Variants in DENND2B observed in about 807,000 individuals in gnomAD.
DENND2B encodes DENN domain containing 2B, also known as DENN domain-containing protein 2B.
Under a neutral mutation model 116.0 loss-of-function variants are expected in DENND2B, and 32 were observed. That is an observed-to-expected ratio of 0.28 (90% CI 0.21 to 0.37). The LOEUF is 0.37. DENND2B is among the 10% of genes least tolerant of loss of function. DENND2B has a pLI of 1.00. For missense variants in DENND2B, 1,276 were observed against 1,477.7 expected, an observed-to-expected ratio of 0.86 and a Z score of 2.24; for synonymous variants, 588 against 583.9, an observed-to-expected ratio of 1.01 and a Z score of -0.10.
At chr11:8,820,817 C>A (rs1469273932) in intron 4 of DENND2B, among the ~76,000 whole-genome samples, 1 of 152,134 alleles carries the variant, frequency 6.6e-6, no homozygotes, top group African/African-American at 2.4e-5. Context: ...GACTATTGTG[C>A]AGCCATTGTA....
chr11:8,714,551 C>T lies in DENND2B; in HGVS notation c.1942+59G>A, dbSNP rs900223110. On this transcript the variant is annotated intron_variant, in intron 7 of 19. Transcript: ENST00000313726. ...CCTCCACAGGTAAATTGATGCCTCTCCCGTTCCTAATGCCCAAGGGCCCCA... is the reference window on the plus strand; with the variant it reads ...CCTCCACAGGTAAATTGATGCCTCTTCCGTTCCTAATGCCCAAGGGCCCCA... 15 of 1,432,640 alleles carry T rather than the reference C, an allele frequency of 1.0e-5. No homozygotes were observed. In the African/African-American group the frequency reaches 1.7e-4, roughly 16 times the overall value. 88.7% of individuals were successfully genotyped at this position (1,432,640 alleles called of 1,614,324 possible).
At chr11:8,714,848 G>T in intron 6 of DENND2B, 142 bp from the exon 7 acceptor site, 2 of 663,570 alleles carry the variant, frequency 3.0e-6, no homozygotes, top group Non-Finnish European at 5.1e-6. Flanking sequence ...TGGTCTAACT[G>T]CAGAACCGAC....
chr11:8,774,242 TTA>T, intron 1 of DENND2B: 9 of 985,352 alleles, frequency 9.1e-6, no homozygotes, highest in Non-Finnish European at 9.6e-6. Context: ...CTACCTGTCT[TTA>T]TGACTAGCAG....
chr11:8,813,224 G>T (rs2061455145), upstream of DENND2B, among the ~76,000 whole-genome samples: 1 of 152,150 alleles, frequency 6.6e-6, no homozygotes, highest in African/African-American at 2.4e-5. Flanking sequence ...GTTAAGGTAG[G>T]AAAGTGTTAT....
chr11:8,783,210 A>G (rs1475020462), intron 1 of DENND2B, among the ~76,000 whole-genome samples: 1 of 152,090 alleles, frequency 6.6e-6, no homozygotes. Flanking sequence ...ATGTAGCACC[A>G]CACCAGCTAA....
At chr11:8,780,310 G>A (rs2058250520) in intron 1 of DENND2B, among the ~76,000 whole-genome samples, 1 of 152,164 alleles carries the variant, frequency 6.6e-6, no homozygotes, top group Admixed American at 6.5e-5. Flanking sequence ...ACTATTTTAA[G>A]TGCCATTAGA....
intron 1 of DENND2B, among the ~76,000 whole-genome samples, chr11:8,779,505 TCTTTC>T (rs2058124728): frequency 8.3e-6 from 1 of 120,890 alleles, no homozygotes; most frequent in Non-Finnish European, 1.7e-5. Context: ...TTTCTTTCTT[TCTTTC>T]TTTCTTTTTT....
chr11:8,696,103 T>C (rs1252503206), intron 18 of DENND2B: 7 of 323,620 alleles, frequency 2.2e-5, no homozygotes. Flanking sequence ...CCCCCGAAAT[T>C]GCTCAGTCTG....
intron 4 of DENND2B, among the ~76,000 whole-genome samples, chr11:8,816,623 T>C (rs994118303): frequency 6.6e-6 from 1 of 152,060 alleles, no homozygotes; most frequent in Non-Finnish European, 1.5e-5. Context: ...GGGTTCTAGC[T>C]GCCATTTATA....
rs1232276804 is a variant in DENND2B at position 8,892,646 on chromosome 11, G to A, written c.-255-11537C>T. ...CTACGCAAATAAACTAGAAAATCTA[G>A]AAGAAATGGATAAATTTCTGGACAC... On this transcript the variant is annotated intron_variant, in intron 1 of 22. Coordinates refer to the DENND2B transcript ENST00000534127. Among the ~76,000 whole-genome samples, 5 of 152,304 alleles carry A rather than the reference G, an allele frequency of 3.3e-5. No individual in the cohort carries two copies. The East Asian group carries it at 9.6e-4, about 29-fold the overall frequency.
intron 2 of DENND2B, among the ~76,000 whole-genome samples, chr11:8,864,481 G>T (rs1010683663): frequency 2.0e-5 from 3 of 152,028 alleles, no homozygotes; most frequent in Non-Finnish European, 4.4e-5. Flanking sequence ...TGTTGCCCAG[G>T]CAGGTCTCAA....
chr11:8,701,585 C>A (rs180860094), intron 14 of DENND2B, among the ~76,000 whole-genome samples: 2 of 152,210 alleles, frequency 1.3e-5, no homozygotes, highest in Non-Finnish European at 2.9e-5. Flanking sequence ...AACCACTCCA[C>A]GTGTGTCGGT....
rs1414889011 is a variant in DENND2B, at chr11:8,734,342, A to G, written c.81-3133T>C. On this transcript the variant is annotated intron_variant, in intron 2 of 19. Transcript: ENST00000313726. ...TACTGTTTTTTTTTTTTATCAGGTT[A>G]TGGCTAGCCAGTCAGTCTCAAGAGA... 2.0e-5 allele frequency among the ~76,000 whole-genome samples: 3 copies of G among 151,424 alleles called. No individual in the cohort carries two copies. In the East Asian group the frequency reaches 5.8e-4, roughly 29 times the overall value.
At chr11:8,895,661 A>G (rs1222005470) in intron 1 of DENND2B, 1 of 152,198 alleles carries the variant, frequency 6.6e-6, no homozygotes, top group African/African-American at 2.4e-5. Context: ...AAGTATAGAG[A>G]TGGATGGTGG....
intron 3 of DENND2B, among the ~76,000 whole-genome samples, chr11:8,856,388 G>A (rs2063193638): frequency 6.6e-6 from 1 of 152,188 alleles, no homozygotes; most frequent in Non-Finnish European, 1.5e-5. Context: ...AAAGATTTCT[G>A]GGTATGGAAA....
At chr11:8,897,795 G>GT (rs1490168549) in intron 1 of DENND2B, among the ~76,000 whole-genome samples, 1 of 152,074 alleles carries the variant, frequency 6.6e-6, no homozygotes, top group Non-Finnish European at 1.5e-5. Context: ...CTTTGTTCTT[G>GT]TTTTTTTAGA....
At chr11:8,739,736 T>G (rs1228902504) in intron 2 of DENND2B, among the ~76,000 whole-genome samples, 1 of 152,164 alleles carries the variant, frequency 6.6e-6, no homozygotes, top group South Asian at 2.1e-4. Flanking sequence ...AGAGATGAAG[T>G]AAGATGAACA....
chr11:8,883,201 A>G (rs2063921323), intron 1 of DENND2B, among the ~76,000 whole-genome samples: 1 of 152,202 alleles, frequency 6.6e-6, no homozygotes, highest in East Asian at 1.9e-4. Context: ...GATAACTACA[A>G]ATAAAACCAA....
intron 1 of DENND2B, among the ~76,000 whole-genome samples, chr11:8,800,568 T>G (rs2060228064): frequency 6.6e-6 from 1 of 152,168 alleles, no homozygotes; most frequent in East Asian, 1.9e-4. Context: ...GTAAACACCC[T>G]CACTCAAAGA....
Sources: gnomAD v4.1 joint callset for allele counts (sites outside exome capture counted in the v4.1 genomes callset) on GRCh38, gnomAD v4.1.1 for gene constraint, MANE v1.5 for transcripts, NCBI Gene and HGNC (gene_info 2026-07-23, HGNC 2026-07-21) for gene names.